Variants in NTRK3 observed in about 807,000 individuals in gnomAD.
NTRK3 encodes NT-3 growth factor receptor.
NTRK3 carries 24 observed loss-of-function variants against 91.7 expected under a neutral mutation model. That is an observed-to-expected ratio of 0.26 (90% CI 0.19 to 0.37). NTRK3 has a LOEUF of 0.37. NTRK3 is among the 10% of genes least tolerant of loss of function. The probability of loss-of-function intolerance (pLI) is 1.00; values close to 1 mark genes in which losing one functional copy is unlikely to be tolerated. For synonymous variants in NTRK3, 483 were observed against 404.0 expected, an observed-to-expected ratio of 1.20 and a Z score of -2.34; for missense variants, 880 against 1,068.9, an observed-to-expected ratio of 0.82 and a Z score of 2.46.
intron 3 of NTRK3, among the ~76,000 whole-genome samples, chr15:88,230,400 A>C (rs990543347): frequency 6.6e-6 from 1 of 152,176 alleles, no homozygotes; most frequent in African/African-American, 2.4e-5. Context: ...TTGGATTCAG[A>C]GATCATGATC....
chr15:88,112,389 C>G (rs147703761), intron 13 of NTRK3, among the ~76,000 whole-genome samples: 91 of 152,314 alleles, frequency 6.0e-4, no homozygotes, highest in African/African-American at 1.9e-3. Flanking sequence ...CCTGGCAAAG[C>G]CATCAAGCTG....
intron 6 of NTRK3, among the ~76,000 whole-genome samples, chr15:88,142,218 G>A (rs750428527): frequency 3.9e-5 from 6 of 152,118 alleles, no homozygotes; most frequent in Non-Finnish European, 5.9e-5. Context: ...TCAAGCAGGG[G>A]AGCCTTTAGC....
At chr15:88,048,557 C>A (rs2142249261) in intron 13 of NTRK3, among the ~76,000 whole-genome samples, 1 of 152,230 alleles carries the variant, frequency 6.6e-6, no homozygotes, top group Middle Eastern at 3.4e-3. Context: ...TGGAGGCTTG[C>A]AAAGAAGCCT....
intron 5 of NTRK3, 151 bp from the exon 6 acceptor site, chr15:88,147,554 CA>C: frequency 6.4e-6 from 4 of 624,596 alleles, no homozygotes; most frequent in Non-Finnish European, 8.5e-6. Context: ...TCTTCTTCTT[CA>C]TGCTGTTAGG....
intron 3 of NTRK3, among the ~76,000 whole-genome samples, chr15:88,228,996 C>T (rs1162784092): frequency 6.6e-6 from 1 of 152,148 alleles, no homozygotes; most frequent in Non-Finnish European, 1.5e-5. Context: ...CCTCCCTGAC[C>T]CTATCTGCCC....
At chr15:88,091,108 T>C (rs923162199) in intron 13 of NTRK3, among the ~76,000 whole-genome samples, 1 of 152,212 alleles carries the variant, frequency 6.6e-6, no homozygotes, top group African/African-American at 2.4e-5. Flanking sequence ...CTTAGATGTC[T>C]GCCCTCTGAA....
chr15:88,098,868 T>C (rs993740202), intron 13 of NTRK3: 5 of 232,668 alleles, frequency 2.1e-5, no homozygotes, highest in Non-Finnish European at 3.4e-5. Context: ...GAGATAATAC[T>C]GTAATGTGAT....
intron 13 of NTRK3, among the ~76,000 whole-genome samples, chr15:88,035,367 G>A (rs775867379): frequency 6.6e-6 from 1 of 152,192 alleles, no homozygotes; most frequent in Non-Finnish European, 1.5e-5. Context: ...AGGCTCAGGA[G>A]AGGGCTGGGA....
At chr15:88,217,002 C>T (rs547677943) in intron 3 of NTRK3, among the ~76,000 whole-genome samples, 3 of 152,174 alleles carry the variant, frequency 2.0e-5, no homozygotes, top group African/African-American at 4.8e-5. Flanking sequence ...CTCTTATGGC[C>T]GATAAGCACA....
At chr15:87,917,593 G>C (rs894597793) in intron 17 of NTRK3, among the ~76,000 whole-genome samples, 1 of 152,182 alleles carries the variant, frequency 6.6e-6, no homozygotes, top group Non-Finnish European at 1.5e-5. Flanking sequence ...ATCTCATGTG[G>C]AAATCTGATC....
chr15:88,136,438 C>T (rs2151206956), intron 8 of NTRK3, 29 bp downstream of exon 8: 1 of 1,614,108 alleles, frequency 6.2e-7, no homozygotes. Flanking sequence ...CCCTAGCCTC[C>T]TGATGGGGCT....
chr15:87,919,828 A>C (rs1369979233), intron 17 of NTRK3, among the ~76,000 whole-genome samples: 1 of 152,200 alleles, frequency 6.6e-6, no homozygotes, highest in Non-Finnish European at 1.5e-5. Context: ...TTATTTTATC[A>C]GGAAGGAAAA....
intron 14 of NTRK3, among the ~76,000 whole-genome samples, chr15:88,000,649 A>T (rs542996949): frequency 6.6e-6 from 1 of 152,308 alleles, no homozygotes; most frequent in African/African-American, 2.4e-5. Context: ...CACTTGACAT[A>T]CTGTTTGCAA....
At chr15:88,111,929 C>T (rs2051422566) in intron 13 of NTRK3, among the ~76,000 whole-genome samples, 1 of 143,758 alleles carries the variant, frequency 7.0e-6, no homozygotes, top group Admixed American at 7.1e-5. Flanking sequence ...TTGAGACAGA[C>T]AGAGTCTCAC....
chr15:88,256,141 G>A (rs1332907152), exon 3 of NTRK3: 2 of 1,564,890 alleles, frequency 1.3e-6, no homozygotes, highest in East Asian at 2.4e-5. Flanking sequence ...GCTGGGCAAA[G>A]AGAGACATCC....
intron 6 of NTRK3, among the ~76,000 whole-genome samples, chr15:88,143,698 T>G (rs2042609861): frequency 6.6e-6 from 1 of 152,146 alleles, no homozygotes; most frequent in Non-Finnish European, 1.5e-5. Context: ...ACTATAGTAA[T>G]ACTATTAGTA....
chr15:88,098,447 G>A (rs1003383041), intron 13 of NTRK3: 59 of 197,568 alleles, frequency 3.0e-4, no homozygotes, highest in African/African-American at 1.2e-3. Context: ...GCCACTCGTG[G>A]AGCTTCAGCA....
chr15:87,932,030 T>C (rs1294861867), intron 16 of NTRK3, among the ~76,000 whole-genome samples: 3 of 152,186 alleles, frequency 2.0e-5, no homozygotes, highest in African/African-American at 7.2e-5. Flanking sequence ...CACATGGCTG[T>C]CCCTTCCACA....
At chr15:88,114,534 T>A (rs896025142) in intron 13 of NTRK3, among the ~76,000 whole-genome samples, 1 of 152,368 alleles carries the variant, frequency 6.6e-6, no homozygotes, top group East Asian at 1.9e-4. Context: ...ATTCTTGGTA[T>A]GCAACTATAA....
Sources: allele counts gnomAD v4.1 joint callset (sites outside exome capture counted in the v4.1 genomes callset), GRCh38; gene constraint gnomAD v4.1.1; transcripts MANE v1.5; gene names NCBI Gene and HGNC (gene_info 2026-07-23, HGNC 2026-07-21).